Variants in SPIDR observed in about 807,000 individuals in gnomAD.
SPIDR encodes the protein DNA repair-scaffolding protein.
A neutral mutation model predicts 104.6 loss-of-function variants in SPIDR; 93 were observed. That is an observed-to-expected ratio of 0.89 (90% CI 0.75 to 1.06). SPIDR has a LOEUF of 1.06. Among genes scored for constraint, SPIDR ranks in the 50% least tolerant of loss-of-function variants. SPIDR has a pLI of 0.00. For synonymous variants in SPIDR, 431 were observed against 416.9 expected, an observed-to-expected ratio of 1.03 and a Z score of -0.41; for missense variants, 1,154 against 1,111.2, an observed-to-expected ratio of 1.04 and a Z score of -0.55.
chr8:47,668,955 A>T (rs778085227), intron 10 of SPIDR, among the ~76,000 whole-genome samples: 28 of 152,330 alleles, frequency 1.8e-4, no homozygotes, highest in Middle Eastern at 3.4e-3. Context: ...GTACCCCACC[A>T]AGAAAAGATT....
intron 8 of SPIDR, among the ~76,000 whole-genome samples, chr8:47,503,906 C>T (rs1245010810): frequency 1.3e-5 from 2 of 152,138 alleles, no homozygotes; most frequent in African/African-American, 4.8e-5. Context: ...CTTAGTTTGG[C>T]TGGATATGAA....
chr8:47,698,076 ATTAAG>A (rs1475795585), intron 11 of SPIDR: 1 of 152,208 alleles, frequency 6.6e-6, no homozygotes, highest in African/African-American at 2.4e-5. Flanking sequence ...TTCCAACATA[ATTAAG>A]TTATCAAATC....
chr8:47,354,395 T>C (rs1360347136), intron 5 of SPIDR, among the ~76,000 whole-genome samples: 1 of 151,990 alleles, frequency 6.6e-6, no homozygotes, highest in Non-Finnish European at 1.5e-5. Context: ...ATGCAACCAG[T>C]ATACAAAAAG....
At chr8:47,727,407 C>A in intron 17 of SPIDR, 114 bp downstream of exon 17, 1 of 868,606 alleles carries the variant, frequency 1.2e-6, no homozygotes, top group Non-Finnish European at 1.9e-6. Flanking sequence ...GCTCAAGGGG[C>A]AACCTCTGCC....
chr8:47,712,851 A>T lies in SPIDR; in HGVS notation c.2167A>T (p.Lys723Ter), dbSNP rs1158026017. The T allele has an allele frequency of 5.6e-6, 9 of 1,613,906 alleles. No homozygotes were observed. Among genetic ancestry groups the T allele is most frequent in the Non-Finnish European group, 7.6e-6 (9 of 1,180,028 alleles). ...GGCTGCCCCTCACAGCCTCTTCTTC[A>T]AGGACGCTCTCCGTGACCAGGGTGT... Reference protein sequence around the residue: ...AGAAPHSLFFKDALRDQGRIV... With the variant: ...AGAAPHSLFF The change falls in exon 15 of 20, where the codon AAG (lysine) becomes TAG (stop). Residue 723 changes from lysine (K) to a stop codon, truncating the protein, a stop_gained. Transcript: ENST00000297423. LOFTEE classifies it high-confidence loss of function.
At chr8:47,499,433 T>G (rs991824854) in intron 8 of SPIDR, among the ~76,000 whole-genome samples, 5 of 152,172 alleles carry the variant, frequency 3.3e-5, no homozygotes, top group Non-Finnish European at 5.9e-5. Flanking sequence ...CTTGAATCCC[T>G]GGAATGGCTC....
At chr8:47,565,992 A>ATATATATATATATT (rs1554802202) in intron 8 of SPIDR, among the ~76,000 whole-genome samples, 1 of 14,954 alleles carries the variant, frequency 6.7e-5, no homozygotes, top group African/African-American at 1.6e-4. Flanking sequence ...ATATATATAT[A>ATATATATATATATT]TTTTTTTTTT....
intron 5 of SPIDR, among the ~76,000 whole-genome samples, chr8:47,296,129 G>T (rs1443028111): frequency 3.3e-5 from 5 of 152,028 alleles, no homozygotes; most frequent in African/African-American, 1.2e-4. Context: ...TGGGTTCTTT[G>T]TTTTCTTGCT....
chr8:47,525,064 C>G (rs2084765222), intron 8 of SPIDR, among the ~76,000 whole-genome samples: 1 of 152,200 alleles, frequency 6.6e-6, no homozygotes, highest in African/African-American at 2.4e-5. Context: ...GGCATTCTTC[C>G]CGGACTAGGG....
chr8:47,409,101 G>A (rs932187413), intron 7 of SPIDR, among the ~76,000 whole-genome samples: 9 of 152,164 alleles, frequency 5.9e-5, no homozygotes, highest in Admixed American at 1.3e-4. Flanking sequence ...CAAGAGAATC[G>A]CTTGAACCCA....
At chr8:47,624,850 C>T (rs984895314) in intron 10 of SPIDR, among the ~76,000 whole-genome samples, 5 of 152,042 alleles carry the variant, frequency 3.3e-5, no homozygotes, top group Non-Finnish European at 7.4e-5. Context: ...CTATTCCAAT[C>T]AATAGAAAAA....
At chr8:47,348,109 T>G (rs2052556459) in intron 5 of SPIDR, among the ~76,000 whole-genome samples, 1 of 152,232 alleles carries the variant, frequency 6.6e-6, no homozygotes, top group African/African-American at 2.4e-5. Context: ...TCATGTTTAG[T>G]GCTTCCTTCA....
intron 8 of SPIDR, among the ~76,000 whole-genome samples, chr8:47,442,974 T>A (rs1488607149): frequency 6.6e-6 from 1 of 152,196 alleles, no homozygotes; most frequent in African/African-American, 2.4e-5. Context: ...CTTGTTTTTT[T>A]AATATCTAAA....
intron 10 of SPIDR, chr8:47,673,542 G>T (rs866470352): frequency 3.6e-6 from 2 of 550,286 alleles, no homozygotes; most frequent in Non-Finnish European, 3.4e-6. Context: ...TGTGGATGGT[G>T]GTTCAAACAC....
intron 7 of SPIDR, among the ~76,000 whole-genome samples, chr8:47,439,516 T>G (rs782806512): frequency 3.3e-5 from 5 of 152,240 alleles, no homozygotes; most frequent in African/African-American, 1.2e-4. Context: ...TTCTGATTTA[T>G]GCTGGGTGCA....
intron 8 of SPIDR, among the ~76,000 whole-genome samples, chr8:47,586,869 A>T (rs1372187586): frequency 1.3e-5 from 2 of 152,142 alleles, no homozygotes; most frequent in Admixed American, 1.3e-4. Flanking sequence ...CCTGGGTTCA[A>T]ACAGTTCTCC....
Position 47,592,653 on chromosome 8 carries a change from G to A in SPIDR, c.1098-3158G>A, listed in dbSNP as rs190390516. 272 of 963,592 alleles carry A rather than the reference G, an allele frequency of 2.8e-4. No homozygotes were observed. In the African/African-American group the frequency reaches 3.8e-3, roughly 13 times the overall value. 59.7% of individuals were successfully genotyped at this position (963,592 alleles called of 1,614,324 possible). A position where few individuals can be genotyped will look rare whatever the true frequency, so the allele number is the denominator to read the frequency against. ...GGCCTCTGGTCTAGTCTCCGGCTCC[G>A]CTTGCCTCACGCACGAGTAGAAGTC... On this transcript the variant is annotated intron_variant, in intron 8 of 19. Transcript: ENST00000297423.
chr8:47,372,752 CAT>C (rs1205165666), intron 5 of SPIDR, among the ~76,000 whole-genome samples: 1 of 152,042 alleles, frequency 6.6e-6, no homozygotes, highest in Non-Finnish European at 1.5e-5. Flanking sequence ...TCATAGGGTA[CAT>C]GTGCATGTTT....
intron 11 of SPIDR, among the ~76,000 whole-genome samples, chr8:47,683,575 T>G (rs1282905721): frequency 6.6e-6 from 1 of 152,186 alleles, no homozygotes; most frequent in Non-Finnish European, 1.5e-5. Flanking sequence ...CTAGGAGTGT[T>G]TCAAATTTCT....
Sources: gnomAD v4.1 joint callset for allele counts (sites outside exome capture counted in the v4.1 genomes callset) on GRCh38, gnomAD v4.1.1 for gene constraint, MANE v1.5 for transcripts, NCBI Gene and HGNC (gene_info 2026-07-23, HGNC 2026-07-21) for gene names.